ABI3BP: variants seen among roughly 807,000 people sequenced by gnomAD.
ABI3BP encodes target of Nesh-SH3.
ABI3BP carries 216 observed loss-of-function variants against 268.6 expected under a neutral mutation model. That is an observed-to-expected ratio of 0.80 (90% CI 0.72 to 0.90). The LOEUF is 0.90. ABI3BP is among the 40% of genes least tolerant of loss of function. ABI3BP has a pLI of 0.00. For missense variants in ABI3BP, 2,090 were observed against 2,182.4 expected, an observed-to-expected ratio of 0.96 and a Z score of 0.84; for synonymous variants, 730 against 730.0, an observed-to-expected ratio of 1.00 and a Z score of 0.00.
intron 58 of ABI3BP, among the ~76,000 whole-genome samples, chr3:100,779,604 ACTCTCTCTCTCT>A (rs138554435): frequency 5.9e-5 from 8 of 135,584 alleles, no homozygotes; most frequent in African/African-American, 1.4e-4. Flanking sequence ...TAAGAGAAAG[ACTCTCTCTCTCT>A]CTCTCTCTCT....
chr3:100,788,070 A>G (rs1015811841), intron 56 of ABI3BP, among the ~76,000 whole-genome samples: 1 of 152,162 alleles, frequency 6.6e-6, no homozygotes, highest in African/African-American at 2.4e-5. Flanking sequence ...TATAATCCGA[A>G]GTGGGAAAGA....
chr3:100,949,498 T>A (rs1427176110), intron 1 of ABI3BP, among the ~76,000 whole-genome samples: 1 of 152,182 alleles, frequency 6.6e-6, no homozygotes, highest in Non-Finnish European at 1.5e-5. Flanking sequence ...ACACTTGGCA[T>A]CAAGGGATCT....
intron 57 of ABI3BP, 93 bp downstream of exon 57, chr3:100,787,634 AG>A: frequency 1.5e-5 from 16 of 1,093,182 alleles, no homozygotes; most frequent in Non-Finnish European, 2.0e-5. Flanking sequence ...ACTGGTAAAA[AG>A]GAAATTAAAA....
At chr3:100,817,566 C>T (rs1416431216) in intron 41 of ABI3BP, 71 bp from the exon 42 acceptor site, 1 of 1,186,280 alleles carries the variant, frequency 8.4e-7, no homozygotes, top group Non-Finnish European at 1.1e-6. Context: ...AATTTTTAAG[C>T]TTCAGAACTT....
chr3:100,885,527 G>A lies in ABI3BP; in HGVS notation c.696+9C>T. On this transcript the variant is annotated intron_variant, in intron 6 of 67. Coordinates refer to ENST00000471714, the MANE Select transcript of ABI3BP (RefSeq NM_001375547.2). ...TTAAAAACATTCTTGAAAATAAACT[G>A]TTACATACCACTGTGTGGTCTTGGT... 1.3e-6 allele frequency: 2 copies of A among 1,509,184 alleles called. No individual in the cohort carries two copies. Among genetic ancestry groups the A allele is most frequent in the Admixed American group, 2.1e-5 (1 of 47,136 alleles). 93.5% of individuals were successfully genotyped at this position (1,509,184 alleles called of 1,614,324 possible).
intron 39 of ABI3BP, 51 bp from the exon 40 acceptor site, chr3:100,820,354 T>G: frequency 7.3e-7 from 1 of 1,366,852 alleles, no homozygotes; most frequent in Non-Finnish European, 1.0e-6. Flanking sequence ...TCCGAAGCTA[T>G]GAGTAGCATG....
intron 1 of ABI3BP, among the ~76,000 whole-genome samples, chr3:100,961,364 A>C (rs941045951): frequency 6.6e-6 from 1 of 152,224 alleles, no homozygotes. Context: ...ACACTTAGGA[A>C]GTGAAGGCTC....
chr3:100,825,238 G>A (rs1446604737), intron 35 of ABI3BP, among the ~76,000 whole-genome samples: 5 of 152,266 alleles, frequency 3.3e-5, no homozygotes, highest in Non-Finnish European at 7.4e-5. Flanking sequence ...TACTCAATGA[G>A]AAGGGATAGG....
rs957157307 is a variant in ABI3BP at position 100,824,916 on chromosome 3, G to A, written c.2688C>T (p.Arg896=). 15 of 1,535,974 alleles carry A rather than the reference G, an allele frequency of 9.8e-6. No individual in the cohort carries two copies. The highest frequency in any genetic ancestry group is 1.3e-5 in the Non-Finnish European group (15 of 1,146,606). The part of the protein sequence containing the change: ...TLATKTSKRT[R]PPRPRPKTTP... ...TAGTTTTAGGTCTGGGACGTGGAGG[G>A]CGGGTTCTTTTTGATGTTTTGGTAG... The change falls in exon 36 of 68, where the codon CGC becomes CGT. Residue 896 remains arginine, a synonymous_variant. Transcript: ENST00000471714.
At chr3:100,844,017 T>A in intron 20 of ABI3BP, 1 of 982,356 alleles carries the variant, frequency 1.0e-6, no homozygotes, top group South Asian at 4.7e-5. Context: ...CAATTGCACA[T>A]AAAAACAGTA....
intron 4 of ABI3BP, among the ~76,000 whole-genome samples, chr3:100,892,901 T>C (rs769872481): frequency 6.6e-5 from 10 of 152,084 alleles, no homozygotes; most frequent in Non-Finnish European, 1.5e-4. Context: ...GGTGTGATGG[T>C]TAATAGTGAG....
At chr3:100,894,699 G>A (rs909765264) in intron 4 of ABI3BP, among the ~76,000 whole-genome samples, 15 of 152,078 alleles carry the variant, frequency 9.9e-5, no homozygotes, top group Admixed American at 4.6e-4. Context: ...CAGCACTTTG[G>A]GAGGCCAAGG....
chr3:100,790,178 T>A (rs1209567233), intron 55 of ABI3BP, among the ~76,000 whole-genome samples: 1 of 151,928 alleles, frequency 6.6e-6, no homozygotes, highest in Non-Finnish European at 1.5e-5. Flanking sequence ...CAGAAAGGCA[T>A]CCTAATGAAG....
intron 26 of ABI3BP, among the ~76,000 whole-genome samples, chr3:100,837,476 G>A (rs927687708): frequency 1.3e-5 from 2 of 152,124 alleles, no homozygotes; most frequent in African/African-American, 4.8e-5. Context: ...AATGTTGGCC[G>A]GGCACGTTGG....
At chr3:100,919,014 G>A (rs1426441507) in intron 2 of ABI3BP, among the ~76,000 whole-genome samples, 5 of 152,102 alleles carry the variant, frequency 3.3e-5, no homozygotes, top group Non-Finnish European at 4.4e-5. Context: ...CATCCGTATC[G>A]AGTCTGATAT....
At chr3:100,894,410 C>T (rs2046181148) in intron 4 of ABI3BP, among the ~76,000 whole-genome samples, 2 of 152,054 alleles carry the variant, frequency 1.3e-5, no homozygotes, top group Admixed American at 1.3e-4. Flanking sequence ...CTTGGGGCCT[C>T]CTATGTTCCT....
At chr3:100,882,972 G>C (rs939819107) in intron 6 of ABI3BP, among the ~76,000 whole-genome samples, 5 of 152,102 alleles carry the variant, frequency 3.3e-5, no homozygotes, top group Non-Finnish European at 5.9e-5. Flanking sequence ...CTATCCCACT[G>C]TTTTGCCTGT....
intron 1 of ABI3BP, among the ~76,000 whole-genome samples, chr3:100,988,612 G>C (rs1369088251): frequency 1.3e-5 from 2 of 152,024 alleles, no homozygotes; most frequent in Non-Finnish European, 2.9e-5. Context: ...ATCCAGATTG[G>C]ATCCTTTTTT....
chr3:100,982,531 T>G (rs1323846618), intron 1 of ABI3BP, among the ~76,000 whole-genome samples: 1 of 151,668 alleles, frequency 6.6e-6, no homozygotes, highest in Non-Finnish European at 1.5e-5. Context: ...AAACCACAGT[T>G]ACTTTTGCAC....
Sources: allele counts gnomAD v4.1 joint callset (sites outside exome capture counted in the v4.1 genomes callset), GRCh38; gene constraint gnomAD v4.1.1; transcripts MANE v1.5; gene names NCBI Gene and HGNC (gene_info 2026-07-23, HGNC 2026-07-21).